WWOX: variants seen among roughly 807,000 people sequenced by gnomAD.
WWOX encodes the protein WW domain containing oxidoreductase.
In WWOX, 69 loss-of-function variants were observed where a neutral mutation model predicts 46.2. The ratio of observed to expected loss-of-function variants is 1.49; its 90% CI spans 1.23 to 1.82. WWOX has a LOEUF of 1.82. WWOX is among the 40% of genes most tolerant of loss of function. The pLI, the probability that WWOX is intolerant of heterozygous loss-of-function variation, is 0.00. For synonymous variants in WWOX, 359 were observed against 202.6 expected, an observed-to-expected ratio of 1.77 and a Z score of -6.56; for missense variants, 919 against 542.6, an observed-to-expected ratio of 1.69 and a Z score of -6.89.
intron 5 of WWOX, among the ~76,000 whole-genome samples, chr16:78,287,500 C>A (rs2079788460): frequency 6.6e-6 from 1 of 152,166 alleles, no homozygotes; most frequent in African/African-American, 2.4e-5. Flanking sequence ...GTGTTATCGT[C>A]ATCAAGCAAA....
In WWOX at chr16:79,174,989, G is replaced by A. The variant is rs118119192; in HGVS notation, c.1057-36619G>A. 5.7e-3 allele frequency among the ~76,000 whole-genome samples: 863 copies of A among 152,184 alleles called. 5 individuals carry two copies. The highest frequency in any genetic ancestry group is 9.3e-3 in the Non-Finnish European group (631 of 68,012). On this transcript the variant is annotated intron_variant, in intron 8 of 8. Transcript: ENST00000566780. The stretch of plus-strand genomic sequence containing the variant: ...GGATGTGTCTTATATCAACATGCAC[G>A]CGTTCTCTCCCTCAGCATACCGTGT...
chr16:78,877,293 C>T (rs1393204036), intron 8 of WWOX, among the ~76,000 whole-genome samples: 9 of 147,670 alleles, frequency 6.1e-5, no homozygotes, highest in South Asian at 2.3e-4. Flanking sequence ...CCCTCTGACC[C>T]GCCTGCCTCC....
chr16:78,907,333 A>C (rs1049801081), intron 8 of WWOX, among the ~76,000 whole-genome samples: 2 of 152,208 alleles, frequency 1.3e-5, no homozygotes, highest in African/African-American at 4.8e-5. Flanking sequence ...CTTAGGTTCT[A>C]CAAAGTGATG....
intron 8 of WWOX, among the ~76,000 whole-genome samples, chr16:78,599,287 T>A (rs1159352179): frequency 6.6e-6 from 1 of 152,174 alleles, no homozygotes; most frequent in African/African-American, 2.4e-5. Flanking sequence ...ACCTCCGGGA[T>A]CTCTCAGGGG....
At chr16:78,577,593 C>T (rs2044919326) in intron 8 of WWOX, among the ~76,000 whole-genome samples, 1 of 152,188 alleles carries the variant, frequency 6.6e-6, no homozygotes, top group Admixed American at 6.5e-5. Flanking sequence ...GAACAATTTA[C>T]TTATGCTTTC....
intron 8 of WWOX, among the ~76,000 whole-genome samples, chr16:79,043,058 C>A (rs1392034632): frequency 6.6e-6 from 1 of 152,068 alleles, no homozygotes; most frequent in African/African-American, 2.4e-5. Context: ...ATCAAGAGTT[C>A]CCATCATACC....
At chr16:78,509,839 G>A (rs956010115) in intron 8 of WWOX, among the ~76,000 whole-genome samples, 3 of 151,550 alleles carry the variant, frequency 2.0e-5, no homozygotes, top group Non-Finnish European at 2.9e-5. Flanking sequence ...CACAAATTCA[G>A]CACTTTGGGA....
chr16:78,193,668 G>A (rs1288264027), intron 5 of WWOX, among the ~76,000 whole-genome samples: 1 of 124,094 alleles, frequency 8.1e-6, no homozygotes, highest in Non-Finnish European at 1.7e-5. Context: ...GAAGTGAGAA[G>A]GTTTCAACAC....
chr16:79,021,641 G>C (rs528093170), intron 8 of WWOX, among the ~76,000 whole-genome samples: 1 of 152,094 alleles, frequency 6.6e-6, no homozygotes, highest in Non-Finnish European at 1.5e-5. Context: ...CTGTGATTTC[G>C]ATTGCGACAA....
At chr16:78,783,122 A>G (rs1468154508) in intron 8 of WWOX, among the ~76,000 whole-genome samples, 1 of 152,256 alleles carries the variant, frequency 6.6e-6, no homozygotes, top group African/African-American at 2.4e-5. Flanking sequence ...GTTATCAGGA[A>G]AAACCAAAAC....
chr16:78,722,598 C>T (rs376528981), intron 8 of WWOX, among the ~76,000 whole-genome samples: 7 of 151,462 alleles, frequency 4.6e-5, no homozygotes, highest in African/African-American at 1.7e-4. Context: ...TGTGTGATGA[C>T]TATGTGAGCT....
At chr16:78,665,155 C>T (rs186082740) in intron 8 of WWOX, among the ~76,000 whole-genome samples, 70 of 152,130 alleles carry the variant, frequency 4.6e-4, no homozygotes, top group Admixed American at 8.5e-4. Flanking sequence ...TGTGGTGGTC[C>T]GGGTTCCTGG....
At chr16:78,334,298 C>G (rs1295032574) in intron 5 of WWOX, among the ~76,000 whole-genome samples, 1 of 152,150 alleles carries the variant, frequency 6.6e-6, no homozygotes, top group African/African-American at 2.4e-5. Flanking sequence ...CGTGAATGCA[C>G]AATTTATGTT....
intron 8 of WWOX, among the ~76,000 whole-genome samples, chr16:78,983,350 G>T (rs148504182): frequency 1.3e-5 from 2 of 152,246 alleles, no homozygotes; most frequent in South Asian, 4.2e-4. Context: ...CTTCTTCCGT[G>T]GTGTTCTTTC....
chr16:78,460,792 A>G (rs766065134), intron 8 of WWOX, among the ~76,000 whole-genome samples: 31 of 152,244 alleles, frequency 2.0e-4, no homozygotes, highest in South Asian at 6.2e-4. Flanking sequence ...CCTCCTGACC[A>G]TAAATACTAA....
chr16:78,376,335 T>C (rs1304999137), intron 5 of WWOX, among the ~76,000 whole-genome samples: 1 of 152,216 alleles, frequency 6.6e-6, no homozygotes, highest in Non-Finnish European at 1.5e-5. Context: ...GGAACTACAA[T>C]ACTATGTTTT....
intron 8 of WWOX, among the ~76,000 whole-genome samples, chr16:78,472,809 CAAAAAAAAAA>C (rs756666392): frequency 2.0e-4 from 10 of 50,884 alleles, no homozygotes; most frequent in African/African-American, 3.8e-4. Flanking sequence ...AACTCCATCT[CAAAAAAAAAA>C]AAAAAAAAAA....
At chr16:78,484,948 G>T (rs1344450791) in intron 8 of WWOX, among the ~76,000 whole-genome samples, 1 of 152,112 alleles carries the variant, frequency 6.6e-6, no homozygotes, top group African/African-American at 2.4e-5. Context: ...CACAGCCTGT[G>T]TACCTGGCAA....
At chr16:78,934,335 C>A (rs1417179206) in intron 8 of WWOX, among the ~76,000 whole-genome samples, 1 of 44,608 alleles carries the variant, frequency 2.2e-5, no homozygotes, top group Non-Finnish European at 4.4e-5. Context: ...AAGTCTCCGT[C>A]TCAAAAAAAA....
Sources: gnomAD v4.1 joint callset for allele counts (sites outside exome capture counted in the v4.1 genomes callset) on GRCh38, gnomAD v4.1.1 for gene constraint, MANE v1.5 for transcripts, NCBI Gene and HGNC (gene_info 2026-07-23, HGNC 2026-07-21) for gene names.